The following NUDCD1 variants were observed in gnomAD, a reference collection of about 807,000 sequenced individuals.
The protein encoded by NUDCD1 is NudC domain containing 1, also known as nudC domain-containing protein 1.
Under a neutral mutation model 67.8 loss-of-function variants are expected in NUDCD1, and 60 were observed. The ratio of observed to expected loss-of-function variants is 0.88; its 90% CI spans 0.72 to 1.10. NUDCD1 has a LOEUF of 1.10. NUDCD1 is among the 50% of genes least tolerant of loss of function. NUDCD1 has a pLI of 0.00. For synonymous variants in NUDCD1, 244 were observed against 230.8 expected (o/e 1.06, Z -0.52); for missense variants, 643 against 695.0 (o/e 0.93, Z 0.84).
intron 8 of NUDCD1, 49 bp from the exon 9 acceptor site, chr8:109,245,530 G>A: frequency 1.4e-6 from 2 of 1,445,366 alleles, no homozygotes; most frequent in Non-Finnish European, 1.9e-6. Flanking sequence ...ATTAATAATA[G>A]CAACAATAAC....
chr8:109,317,178 T>C (rs1043852382), intron 2 of NUDCD1, among the ~76,000 whole-genome samples: 2 of 152,168 alleles, frequency 1.3e-5, no homozygotes, highest in African/African-American at 4.8e-5. Flanking sequence ...AACCCATTAC[T>C]GCACAAAAAA....
chr8:109,321,594 A>G (rs1251687759), intron 2 of NUDCD1, among the ~76,000 whole-genome samples: 1 of 152,124 alleles, frequency 6.6e-6, no homozygotes. Context: ...AAGAACAAAC[A>G]GGGCATAATG....
At chr8:109,255,254 G>A (rs1813702491) in intron 8 of NUDCD1, among the ~76,000 whole-genome samples, 1 of 152,132 alleles carries the variant, frequency 6.6e-6, no homozygotes, top group African/African-American at 2.4e-5. Flanking sequence ...TGTCAGTTAA[G>A]TTGTATAGAT....
chr8:109,286,977 C>G (rs1450767143), intron 5 of NUDCD1, among the ~76,000 whole-genome samples: 2 of 152,042 alleles, frequency 1.3e-5, no homozygotes, highest in African/African-American at 4.8e-5. Context: ...CAGCACTTCG[C>G]AAAACAAGAC....
Position 109,241,774 on chromosome 8 carries a change from A to G in NUDCD1, c.*1235T>C, listed in dbSNP as rs1471424873. ...CCAGACAGGCAAAAGATATGTTAGGAACAAAGCTTTTCTATCTTATATTTC... is the reference window on the plus strand; with the variant it reads ...CCAGACAGGCAAAAGATATGTTAGGGACAAAGCTTTTCTATCTTATATTTC... On this transcript the variant is annotated 3_prime_UTR_variant, in exon 10 of 10. Coordinates refer to ENST00000239690, the MANE Select transcript of NUDCD1 (RefSeq NM_032869.4). 5 of 262,936 alleles carry G rather than the reference A, an allele frequency of 1.9e-5. No homozygotes were observed. The highest frequency in any genetic ancestry group is 1.1e-4 in the African/African-American group (5 of 45,564). The allele number at this position is 262,936 out of a possible 1,614,324, so 16.3% of individuals were successfully genotyped here.
At chr8:109,258,575 A>G (rs537358520) in intron 8 of NUDCD1, among the ~76,000 whole-genome samples, 23 of 152,264 alleles carry the variant, frequency 1.5e-4, no homozygotes, top group African/African-American at 5.5e-4. Context: ...TAGCTGCTAA[A>G]AATGGCTTTG....
chr8:109,254,727 G>A (rs1813691787), intron 8 of NUDCD1, among the ~76,000 whole-genome samples: 2 of 151,968 alleles, frequency 1.3e-5, no homozygotes, highest in African/African-American at 4.8e-5. Context: ...AGCAATTAAA[G>A]ACTACTGAAG....
chr8:109,287,286 GTATATA>G (rs1329022147), intron 5 of NUDCD1, among the ~76,000 whole-genome samples: 1 of 152,052 alleles, frequency 6.6e-6, no homozygotes, highest in Admixed American at 6.6e-5. Context: ...TCAATAGTGG[GTATATA>G]TATAAAAAAT....
At chr8:109,270,329 TAA>T (rs74847351) in intron 8 of NUDCD1, among the ~76,000 whole-genome samples, 3 of 138,498 alleles carry the variant, frequency 2.2e-5, no homozygotes. Flanking sequence ...AACTTGACAG[TAA>T]AAAAAAAAAA....
chr8:109,326,725 C>G (rs1258097517), intron 1 of NUDCD1, among the ~76,000 whole-genome samples: 1 of 152,072 alleles, frequency 6.6e-6, no homozygotes, highest in Non-Finnish European at 1.5e-5. Flanking sequence ...ACCTCAAAAC[C>G]TAGTTTTTCA....
At chr8:109,244,110 A>G (rs1439646319) in intron 9 of NUDCD1, among the ~76,000 whole-genome samples, 2 of 151,776 alleles carry the variant, frequency 1.3e-5, no homozygotes, top group Non-Finnish European at 2.9e-5. Context: ...ATTAAAATTG[A>G]GATCTCATCA....
chr8:109,263,129 A>C (rs1813912237), intron 8 of NUDCD1, among the ~76,000 whole-genome samples: 1 of 150,874 alleles, frequency 6.6e-6, no homozygotes, highest in Admixed American at 6.6e-5. Context: ...TTTACACTGA[A>C]GGCTGCCTAA....
At chr8:109,330,281 T>C (rs1484463464) in intron 1 of NUDCD1, among the ~76,000 whole-genome samples, 1 of 152,234 alleles carries the variant, frequency 6.6e-6, no homozygotes, top group Non-Finnish European at 1.5e-5. Context: ...TTAATAACAT[T>C]ATTTAAGACA....
intron 1 of NUDCD1, among the ~76,000 whole-genome samples, chr8:109,331,971 A>G (rs956241983): frequency 1.3e-5 from 2 of 152,220 alleles, no homozygotes; most frequent in Admixed American, 6.5e-5. Flanking sequence ...AAGGATGTCC[A>G]GCATACAACC....
intron 2 of NUDCD1, among the ~76,000 whole-genome samples, chr8:109,304,393 G>C (rs1250303320): frequency 6.6e-6 from 1 of 151,914 alleles, no homozygotes; most frequent in African/African-American, 2.4e-5. Context: ...TTGGTTTATT[G>C]ATGGCAGTTC....
chr8:109,307,398 A>G (rs1815133907), intron 2 of NUDCD1, among the ~76,000 whole-genome samples: 1 of 152,204 alleles, frequency 6.6e-6, no homozygotes, highest in South Asian at 2.1e-4. Flanking sequence ...CAGGTGAAAT[A>G]AACAGCCTTG....
intron 1 of NUDCD1, among the ~76,000 whole-genome samples, chr8:109,330,624 G>T (rs1047571667): frequency 6.6e-6 from 1 of 152,122 alleles, no homozygotes; most frequent in Non-Finnish European, 1.5e-5. Context: ...CAGAGTCTGA[G>T]GTAAGCTTTT....
At chr8:109,303,954 A>C (rs1364588779) in intron 2 of NUDCD1, among the ~76,000 whole-genome samples, 1 of 152,116 alleles carries the variant, frequency 6.6e-6, no homozygotes, top group African/African-American at 2.4e-5. Flanking sequence ...TCTGCGCCTT[A>C]TCAACCACCC....
Position 109,320,173 on chromosome 8 carries a change from AG to A in NUDCD1, c.273+2135del, listed in dbSNP as rs549106714. On this transcript the variant is annotated intron_variant, in intron 2 of 9. Coordinates refer to ENST00000239690, the MANE Select transcript of NUDCD1 (RefSeq NM_032869.4). ...CATTGATAACATCTTATCAGGAGAC[AG>A]GGTTTTGAGATCAACCGGTCTGACC... is the stretch of plus-strand genomic sequence containing the variant. Among the ~76,000 whole-genome samples, 920 of 152,296 alleles carry A rather than the reference AG, an allele frequency of 6.0e-3. 14 individuals are homozygous for A. Among genetic ancestry groups the A allele is most frequent in the African/African-American group, 0.021 (879 of 41,536 alleles).
Sources: allele counts gnomAD v4.1 joint callset (sites outside exome capture counted in the v4.1 genomes callset), GRCh38; gene constraint gnomAD v4.1.1; transcripts MANE v1.5; gene names NCBI Gene and HGNC (gene_info 2026-07-23, HGNC 2026-07-21).